Variants in F13A1 observed in about 807,000 individuals in gnomAD.
The protein encoded by F13A1 is coagulation factor XIII A chain.
F13A1 carries 47 observed loss-of-function variants against 80.1 expected under a neutral mutation model. The ratio of observed to expected loss-of-function variants is 0.59; its 90% confidence interval spans 0.46 to 0.75. The LOEUF (loss-of-function observed/expected upper bound fraction) is 0.75. Among genes scored for constraint, F13A1 ranks in the 30% least tolerant of loss-of-function variants. The probability of loss-of-function intolerance (pLI) is 0.00; values close to 1 mark genes in which losing one functional copy is unlikely to be tolerated. For missense variants in F13A1, 817 were observed against 930.4 expected (o/e 0.88, Z 1.59); for synonymous variants, 349 against 344.9 (o/e 1.01, Z -0.13).
chr6:6,236,544 G>A (rs952377412), intron 6 of F13A1, among the ~76,000 whole-genome samples: 5 of 151,914 alleles, frequency 3.3e-5, no homozygotes, highest in South Asian at 4.2e-4. Context: ...TTCCTGTAGC[G>A]CAGACCTTTA....
intron 4 of F13A1, among the ~76,000 whole-genome samples, chr6:6,262,466 C>T (rs1757790160): frequency 6.6e-6 from 1 of 152,216 alleles, no homozygotes; most frequent in African/African-American, 2.4e-5. Context: ...GCAGAGGCAG[C>T]CATGAAGTCA....
intron 8 of F13A1, among the ~76,000 whole-genome samples, chr6:6,202,474 C>T (rs1254507853): frequency 6.6e-6 from 1 of 152,210 alleles, no homozygotes; most frequent in Non-Finnish European, 1.5e-5. Context: ...ATCATGAGGA[C>T]ATCTAGCAAG....
intron 11 of F13A1, 142 bp from the exon 12 acceptor site, chr6:6,175,009 CA>C: frequency 9.9e-7 from 1 of 1,005,026 alleles, no homozygotes. Flanking sequence ...AGGGTGCCGT[CA>C]TTATTCCTAT....
chr6:6,182,948 T>A (rs1235451189), intron 10 of F13A1, among the ~76,000 whole-genome samples: 1 of 152,182 alleles, frequency 6.6e-6, no homozygotes, highest in African/African-American at 2.4e-5. Flanking sequence ...GTTCAGCAAC[T>A]AAAATGTGCT....
At chr6:6,261,161 G>A (rs1426457543) in intron 4 of F13A1, among the ~76,000 whole-genome samples, 1 of 152,008 alleles carries the variant, frequency 6.6e-6, no homozygotes, top group Non-Finnish European at 1.5e-5. Flanking sequence ...TAGAGATGGG[G>A]TTTCACCATG....
At chr6:6,167,192 C>A (rs1370296742) in intron 13 of F13A1, among the ~76,000 whole-genome samples, 1 of 152,036 alleles carries the variant, frequency 6.6e-6, no homozygotes, top group Non-Finnish European at 1.5e-5. Flanking sequence ...GTGTTTATAC[C>A]CACAGGTTAT....
intron 12 of F13A1, among the ~76,000 whole-genome samples, chr6:6,167,913 C>T (rs1406060637): frequency 2.0e-5 from 3 of 152,200 alleles, no homozygotes; most frequent in Non-Finnish European, 4.4e-5. Flanking sequence ...ATGTGATTTT[C>T]ATGGCAAAGA....
chr6:6,234,075 A>G (rs1757385502), intron 6 of F13A1, among the ~76,000 whole-genome samples: 1 of 152,158 alleles, frequency 6.6e-6, no homozygotes, highest in Admixed American at 6.5e-5. Context: ...CTCCTCTTCA[A>G]CATAGTACTG....
chr6:6,239,942 A>T (rs1291154846), intron 6 of F13A1, among the ~76,000 whole-genome samples: 1 of 152,180 alleles, frequency 6.6e-6, no homozygotes, highest in Non-Finnish European at 1.5e-5. Flanking sequence ...CCCAAGGTGC[A>T]TGAAGCTGTG....
In F13A1 at chr6:6,237,978, A is replaced by G. The variant is rs571844212; in HGVS notation, c.798+10334T>C. 1.2e-3 allele frequency among the ~76,000 whole-genome samples: 178 copies of G among 152,358 alleles called. No individual in the cohort carries two copies. In the Middle Eastern group the frequency reaches 0.014, roughly 12 times the overall value. The stretch of plus-strand genomic sequence containing the variant: ...CTGGAAAGTTGTTTCCAAAATTTAC[A>G]TAGCAATACAAAGGATCTAGAATAA... On this transcript the variant is annotated intron_variant, in intron 6 of 14. Coordinates refer to ENST00000264870, the MANE Select transcript of F13A1 (RefSeq NM_000129.4).
At position 6,222,054 on chromosome 6, in the gene F13A1, T is replaced by C. The variant is rs1757202431; in HGVS notation, c.1091A>G (p.Lys364Arg). Residue 364 changes from lysine to arginine, a missense_variant, in exon 8 of 15, where the codon AAA (lysine) becomes AGA (arginine). Physicochemically the swap from Lys to Arg is conservative, Grantham distance 26. Coordinates refer to ENST00000264870, the MANE Select transcript of F13A1 (RefSeq NM_000129.4). ...FLEEDGNVNS[K>R]LTKDSVWNYH... ...TCACCACACTGAATCCTTGGTGAGT[T>C]TGGAATTCACGTTCCCATCTTCTTC... 1 of 1,614,028 alleles carries C rather than the reference T, an allele frequency of 6.2e-7. No homozygotes were observed. Among genetic ancestry groups the C allele is most frequent in the Non-Finnish European group, 8.5e-7 (1 of 1,179,944 alleles).
intron 8 of F13A1, among the ~76,000 whole-genome samples, chr6:6,199,673 G>C (rs1362071625): frequency 6.6e-6 from 1 of 152,108 alleles, no homozygotes; most frequent in African/African-American, 2.4e-5. Context: ...GAAATCCTTT[G>C]ATATCAAATT....
chr6:6,218,638 G>T (rs529996251), intron 8 of F13A1, among the ~76,000 whole-genome samples: 3 of 152,252 alleles, frequency 2.0e-5, no homozygotes, highest in African/African-American at 7.2e-5. Context: ...TCAGACCATG[G>T]CCTCTGTTGG....
chr6:6,306,940 C>T (rs1050066741), intron 2 of F13A1, among the ~76,000 whole-genome samples: 14 of 152,210 alleles, frequency 9.2e-5, no homozygotes, highest in Middle Eastern at 3.2e-3. Context: ...AGATCCTCTT[C>T]GGTCCTAAAG....
At chr6:6,217,458 C>T (rs1005129569) in intron 8 of F13A1, among the ~76,000 whole-genome samples, 1 of 143,812 alleles carries the variant, frequency 7.0e-6, no homozygotes, top group Non-Finnish European at 1.5e-5. Flanking sequence ...TATTCTCACT[C>T]ATAGGTGGGA....
At chr6:6,199,476 G>C (rs1408934570) in intron 8 of F13A1, among the ~76,000 whole-genome samples, 2 of 149,816 alleles carry the variant, frequency 1.3e-5, no homozygotes, top group Non-Finnish European at 3.0e-5. Flanking sequence ...CTGGTCGACA[G>C]AGCGAGACTC....
intron 10 of F13A1, among the ~76,000 whole-genome samples, chr6:6,186,666 A>G (rs982154814): frequency 6.6e-6 from 1 of 152,192 alleles, no homozygotes; most frequent in Non-Finnish European, 1.5e-5. Flanking sequence ...TGATGCCTCC[A>G]GCTTTGTTCT....
intron 13 of F13A1, among the ~76,000 whole-genome samples, chr6:6,157,948 G>A (rs1242671015): frequency 6.6e-6 from 1 of 152,158 alleles, no homozygotes; most frequent in African/African-American, 2.4e-5. Context: ...AGAGAGAGAT[G>A]GAAATGAACA....
At chr6:6,254,731 C>T (rs1021433978) in intron 4 of F13A1, among the ~76,000 whole-genome samples, 1 of 152,054 alleles carries the variant, frequency 6.6e-6, no homozygotes, top group Non-Finnish European at 1.5e-5. Flanking sequence ...TTGAAAAGAA[C>T]AATATATTCA....
Sources: allele counts gnomAD v4.1 joint callset (sites outside exome capture counted in the v4.1 genomes callset), GRCh38; gene constraint gnomAD v4.1.1; transcripts MANE v1.5; gene names NCBI Gene and HGNC (gene_info 2026-07-23, HGNC 2026-07-21).